VAV3: variants seen among roughly 807,000 people sequenced by gnomAD.
VAV3 encodes the protein guanine nucleotide exchange factor VAV3.
Under a neutral mutation model 131.2 loss-of-function variants are expected in VAV3, and 94 were observed. The ratio of observed to expected loss-of-function variants is 0.72; its 90% CI spans 0.61 to 0.85. The LOEUF (loss-of-function observed/expected upper bound fraction) is 0.85, where lower values mean the gene tolerates loss of function less well. Among genes scored for constraint, VAV3 ranks in the 40% least tolerant of loss-of-function variants. The pLI, the probability that VAV3 is intolerant of heterozygous loss-of-function variation, is 0.00. For missense variants in VAV3, 939 were observed against 1,002.7 expected (o/e 0.94, Z 0.86); for synonymous variants, 349 against 342.0 (o/e 1.02, Z -0.22).
intron 4 of VAV3, among the ~76,000 whole-genome samples, chr1:107,774,861 C>G (rs1246175443): frequency 6.6e-6 from 1 of 151,354 alleles, no homozygotes; most frequent in East Asian, 1.9e-4. Context: ...GAATAAAAAT[C>G]AAGCTGTCAC....
chr1:107,935,086 C>T (rs762426306), intron 1 of VAV3, among the ~76,000 whole-genome samples: 5 of 152,176 alleles, frequency 3.3e-5, no homozygotes, highest in Non-Finnish European at 5.9e-5. Flanking sequence ...TTCATATCAG[C>T]CAATTTGCCA....
intron 2 of VAV3, among the ~76,000 whole-genome samples, chr1:107,819,990 C>A (rs539209535): frequency 6.6e-6 from 1 of 152,066 alleles, no homozygotes. Context: ...GAAAAGTGAA[C>A]CCTCATACAC....
intron 1 of VAV3, among the ~76,000 whole-genome samples, chr1:107,939,689 T>C (rs1195794077): frequency 6.6e-6 from 1 of 152,150 alleles, no homozygotes; most frequent in African/African-American, 2.4e-5. Context: ...TGTCTTAGCC[T>C]GAGTTTCCCA....
chr1:107,921,669 G>A (rs541522688), intron 1 of VAV3, among the ~76,000 whole-genome samples: 2 of 152,234 alleles, frequency 1.3e-5, no homozygotes, highest in East Asian at 1.9e-4. Context: ...AGAGGAAAAT[G>A]TTTTAAATGG....
chr1:107,956,685 CT>C (rs1258527112), intron 1 of VAV3, among the ~76,000 whole-genome samples: 1 of 152,120 alleles, frequency 6.6e-6, no homozygotes, highest in Non-Finnish European at 1.5e-5. Context: ...CCAGACCATA[CT>C]TTGAGAACAT....
chr1:107,586,794 CATT>C (rs1470096663), intron 25 of VAV3, among the ~76,000 whole-genome samples: 1 of 151,822 alleles, frequency 6.6e-6, no homozygotes, highest in Non-Finnish European at 1.5e-5. Context: ...ATGTACAATG[CATT>C]ATTTTTATAG....
intron 2 of VAV3, among the ~76,000 whole-genome samples, chr1:107,786,177 G>C (rs1051801340): frequency 2.6e-5 from 4 of 152,192 alleles, no homozygotes; most frequent in Non-Finnish European, 4.4e-5. Context: ...TTGTTCAAGA[G>C]AGTAGAGTAT....
At chr1:107,625,155 T>C (rs750216377) in intron 20 of VAV3, among the ~76,000 whole-genome samples, 5 of 152,156 alleles carry the variant, frequency 3.3e-5, no homozygotes, top group Non-Finnish European at 7.3e-5. Flanking sequence ...TATAAGCACT[T>C]TTGCAATGCC....
At chr1:107,707,539 C>T (rs1247263274) in intron 15 of VAV3, among the ~76,000 whole-genome samples, 1 of 152,178 alleles carries the variant, frequency 6.6e-6, no homozygotes, top group Non-Finnish European at 1.5e-5. Context: ...CATGATAGTG[C>T]TTTGTGACTG....
At position 107,731,756 on chromosome 1, in the gene VAV3, C is replaced by A. The variant is rs144133824; in HGVS notation, c.1502+17212G>T. Among the ~76,000 whole-genome samples the A allele has an allele frequency of 2.3e-3, 348 of 152,166 alleles. 1 individual carries two copies. Among genetic ancestry groups the A allele is most frequent in the African/African-American group, 8.0e-3 (334 of 41,528 alleles). On this transcript the variant is annotated intron_variant, in intron 15 of 26. Coordinates refer to ENST00000370056, the MANE Select transcript of VAV3 (RefSeq NM_006113.5). ...AGCATATACTTGGAAAGAAGTTGTA[C>A]GAAAGACTCAAGCAGTGAATTGTTA...
intron 17 of VAV3, among the ~76,000 whole-genome samples, chr1:107,690,147 A>G (rs544419970): frequency 1.6e-4 from 25 of 152,296 alleles, no homozygotes; most frequent in African/African-American, 5.8e-4. Flanking sequence ...TTCAAAAATA[A>G]TTATTTTTTT....
chr1:107,964,702 G>C lies in VAV3; in HGVS notation c.168C>G (p.Asn56Lys). 1 of 1,614,052 alleles carries C rather than the reference G, an allele frequency of 6.2e-7. No homozygotes were observed. The highest frequency in any genetic ancestry group is 2.2e-5 in the East Asian group (1 of 44,866). Residue 56 changes from asparagine (N) to lysine (K), a missense_variant, in exon 1 of 27, where the codon AAC (asparagine) becomes AAG (lysine). By Grantham distance (94) the Asn-to-Lys change is moderately conservative. Coordinates refer to ENST00000370056, the MANE Select transcript of VAV3 (RefSeq NM_006113.5). Reference protein sequence around the residue: ...LLNNLRAHSINLKEINLRPQM... With the variant: ...LLNNLRAHSIKLKEINLRPQM... ...GCGGCCTCAGGTTGATCTCCTTCAG[G>C]TTGATGGAGTGCGCCCGGAGGTTGT...
At chr1:107,739,952 G>C (rs1662908913) in intron 15 of VAV3, among the ~76,000 whole-genome samples, 1 of 152,192 alleles carries the variant, frequency 6.6e-6, no homozygotes, top group South Asian at 2.1e-4. Flanking sequence ...TTGCTGCTGG[G>C]AAGAAAATGC....
At chr1:107,602,673 A>G (rs972671272) in intron 23 of VAV3, among the ~76,000 whole-genome samples, 189 bp from the exon 24 acceptor site, 18 of 152,288 alleles carry the variant, frequency 1.2e-4, no homozygotes, top group African/African-American at 4.1e-4. Context: ...GATACAACCA[A>G]TATTTGAAGT....
At chr1:107,607,450 G>A (rs919938391) in intron 22 of VAV3, among the ~76,000 whole-genome samples, 1 of 152,172 alleles carries the variant, frequency 6.6e-6, no homozygotes, top group Admixed American at 6.5e-5. Flanking sequence ...GAACTGGAGA[G>A]CATCATCACT....
intron 19 of VAV3, among the ~76,000 whole-genome samples, chr1:107,674,642 C>T (rs1475634208): frequency 6.6e-6 from 1 of 152,102 alleles, no homozygotes; most frequent in Non-Finnish European, 1.5e-5. Context: ...TTGGCACCCA[C>T]CAAGTGCTGT....
chr1:107,791,409 T>C (rs540704445), intron 2 of VAV3, among the ~76,000 whole-genome samples: 89 of 148,422 alleles, frequency 6.0e-4, no homozygotes, highest in Middle Eastern at 7.0e-3. Context: ...ACTGCTGCAA[T>C]AGTTCAGGTG....
chr1:107,639,085 G>A (rs1188836602), intron 20 of VAV3, among the ~76,000 whole-genome samples: 2 of 151,866 alleles, frequency 1.3e-5, no homozygotes, highest in Admixed American at 1.3e-4. Context: ...CAATCCAGTG[G>A]AGAAATAATT....
intron 1 of VAV3, among the ~76,000 whole-genome samples, chr1:107,937,259 T>C (rs745362985): frequency 6.6e-6 from 1 of 152,224 alleles, no homozygotes; most frequent in Non-Finnish European, 1.5e-5. Flanking sequence ...TTACTTCTTA[T>C]AGAGGCAAGG....
Sources: gnomAD v4.1 joint callset for allele counts (sites outside exome capture counted in the v4.1 genomes callset) on GRCh38, gnomAD v4.1.1 for gene constraint, MANE v1.5 for transcripts, NCBI Gene and HGNC (gene_info 2026-07-23, HGNC 2026-07-21) for gene names.